Variants in FAM120C observed in about 807,000 individuals in gnomAD.
FAM120C encodes the protein family with sequence similarity 120 member C.
A neutral mutation model predicts 71.2 loss-of-function variants in FAM120C; 14 were observed. That is an observed-to-expected ratio of 0.20 (90% CI 0.13 to 0.31). The LOEUF (loss-of-function observed/expected upper bound fraction) is 0.31, where lower values mean the gene tolerates loss of function less well. Ranked by LOEUF, FAM120C falls within the 10% of genes least tolerant of loss-of-function variation. The pLI is 1.00. For missense variants in FAM120C, 500 were observed against 879.0 expected (o/e 0.57, Z 5.45); for synonymous variants, 354 against 353.2 (o/e 1.00, Z -0.03).
At chrX:54,124,971 A>C (rs1557127750) in intron 9 of FAM120C, among the ~76,000 whole-genome samples, 2 of 111,538 alleles carry the variant, frequency 1.8e-5, no homozygotes, top group Non-Finnish European at 3.8e-5. Flanking sequence ...TGTCCAGTTG[A>C]TCTAACACCA....
At chrX:54,100,097 G>A (rs782575325) in intron 10 of FAM120C, among the ~76,000 whole-genome samples, 1 of 111,969 alleles carries the variant, frequency 8.9e-6, no homozygotes, top group East Asian at 2.8e-4. Flanking sequence ...TGTAATCCCA[G>A]CATTTTGGGA....
At chrX:54,163,513 T>C (rs1328718978) in intron 1 of FAM120C, among the ~76,000 whole-genome samples, 2 of 111,479 alleles carry the variant, frequency 1.8e-5, no homozygotes, top group Non-Finnish European at 3.8e-5. Context: ...TGCCAGGGAT[T>C]GTGGGGATGG....
intron 9 of FAM120C, among the ~76,000 whole-genome samples, chrX:54,128,625 C>A (rs1044761228): frequency 9.0e-6 from 1 of 111,315 alleles, no homozygotes; most frequent in Non-Finnish European, 1.9e-5. Flanking sequence ...TGCGGCCTTC[C>A]GCAGTGTTTG....
chrX:54,079,812 A>G (rs1291114879), intron 15 of FAM120C, among the ~76,000 whole-genome samples: 1 of 110,627 alleles, frequency 9.0e-6, no homozygotes, highest in Non-Finnish European at 1.9e-5. Context: ...AAAAAAAAGC[A>G]GAATGGTAAC....
At chrX:54,148,543 A>T (rs1160368940) in intron 4 of FAM120C, among the ~76,000 whole-genome samples, 1 of 111,631 alleles carries the variant, frequency 9.0e-6, no homozygotes, top group African/African-American at 3.3e-5. Context: ...GCTACTTGGG[A>T]GGCTGTGGTG....
rs1159863882 is a variant in FAM120C, at chrX:54,071,350, C to T, written c.*1683G>A. Reference sequence around the variant, plus strand: ...AATAGAATTCTTCTCAAGGCCCAGGCCAGAGTCCTCTAAAGTCTTCCTTGC... The same window carrying T: ...AATAGAATTCTTCTCAAGGCCCAGGTCAGAGTCCTCTAAAGTCTTCCTTGC... On this transcript the variant is annotated 3_prime_UTR_variant, in exon 16 of 16. Coordinates refer to ENST00000375180, the MANE Select transcript of FAM120C (RefSeq NM_017848.6). 1 of 112,985 alleles carries T rather than the reference C, an allele frequency of 8.9e-6. No individual in the cohort carries two copies. Among genetic ancestry groups the T allele is most frequent in the South Asian group, 3.6e-4 (1 of 2,784 alleles). 9.3% of individuals were successfully genotyped at this position (112,985 alleles called of 1,213,427 possible).
At chrX:54,139,851 C>G (rs113976942) in intron 4 of FAM120C, among the ~76,000 whole-genome samples, 1,680 of 110,128 alleles carry the variant, frequency 0.015, 28 homozygotes, top group African/African-American at 0.054. Flanking sequence ...TGTTAACACT[C>G]CAGGATCTAT....
rs1056669341 is a variant in FAM120C at position 54,111,457 on chromosome X, A to G, written c.2312+5088T>C. 1.7e-4 allele frequency among the ~76,000 whole-genome samples: 19 copies of G among 110,855 alleles called. 1 individual carries two copies. The East Asian group carries it at 5.3e-3, about 31-fold the overall frequency. On this transcript the variant is annotated intron_variant, in intron 10 of 15. Transcript: ENST00000375180. ...AGTAAAGTGTCAGGATACAAAATCA[A>G]TGTATGAAAACCAGTAGCATTTCTA...
intron 4 of FAM120C, chrX:54,147,422 C>T (rs1169709413): frequency 8.9e-6 from 1 of 111,812 alleles, no homozygotes; most frequent in Non-Finnish European, 1.9e-5. Context: ...ACACATTGCG[C>T]TGCTGCTACA....
rs1466026880 is a variant in FAM120C, at chrX:54,068,346, A to G, written c.*4687T>C. 4.5e-5 allele frequency: 5 copies of G among 111,949 alleles called. No homozygotes were observed. The highest frequency in any genetic ancestry group is 9.4e-5 in the Non-Finnish European group (5 of 53,225). 9.2% of individuals were successfully genotyped at this position (111,949 alleles called of 1,213,427 possible). The stretch of plus-strand genomic sequence containing the variant: ...AAATTATTTCACAATTTTTTTTACT[A>G]AAAGAATAGATTTTTATTAAGCGTT... On this transcript the variant is annotated 3_prime_UTR_variant, in exon 16 of 16. Coordinates refer to ENST00000375180, the MANE Select transcript of FAM120C (RefSeq NM_017848.6).
chrX:54,103,398 A>G, intron 10 of FAM120C, among the ~76,000 whole-genome samples: 1 of 111,831 alleles, frequency 8.9e-6, no homozygotes, highest in Non-Finnish European at 1.9e-5. Context: ...AACAACAAAA[A>G]AAATCCCTTT....
intron 11 of FAM120C, 120 bp downstream of exon 11, chrX:54,091,192 T>A (rs1017709474): frequency 8.7e-6 from 4 of 458,925 alleles, no homozygotes; most frequent in Non-Finnish European, 1.5e-5. Context: ...TTGGTTAAAG[T>A]AAATCAAACA....
intron 1 of FAM120C, among the ~76,000 whole-genome samples, chrX:54,176,432 CA>C (rs1197918401): frequency 0.04 from 1,454 of 36,386 alleles, 27 homozygotes; most frequent in Admixed American, 0.15. Flanking sequence ...GACTCTGTCT[CA>C]AAAAAAAAAA....
chrX:54,071,037 CA>C lies in FAM120C; in HGVS notation c.*1995del, dbSNP rs1244631254. On this transcript the variant is annotated 3_prime_UTR_variant, in exon 16 of 16. Coordinates refer to ENST00000375180, the MANE Select transcript of FAM120C (RefSeq NM_017848.6). ...GTGGGTTAAGGTGCATGGGGTTTTT[CA>C]AAAAGAACCCTGCTAGAAGATTAGT... 1.8e-5 allele frequency: 2 copies of C among 111,646 alleles called. No individual in the cohort carries two copies. The highest frequency in any genetic ancestry group is 3.8e-5 in the Non-Finnish European group (2 of 53,137). The allele number at this position is 111,646 out of a possible 1,213,427, so 9.2% of individuals were successfully genotyped here.
intron 9 of FAM120C, among the ~76,000 whole-genome samples, chrX:54,130,095 C>T (rs1422928471): frequency 7.1e-5 from 1 of 14,102 alleles, no homozygotes; most frequent in Non-Finnish European, 1.2e-4. Context: ...AGAGGGAGAC[C>T]GTGGGGAGAG....
At chrX:54,175,348 A>G (rs2067311116) in intron 1 of FAM120C, among the ~76,000 whole-genome samples, 1 of 110,356 alleles carries the variant, frequency 9.1e-6, no homozygotes, top group Non-Finnish European at 1.9e-5. Flanking sequence ...AAAAATATTA[A>G]CTGAACTGAA....
intron 4 of FAM120C, among the ~76,000 whole-genome samples, chrX:54,146,006 A>T (rs782814636): frequency 2.9e-4 from 33 of 112,037 alleles, no homozygotes; most frequent in African/African-American, 1.0e-3. Context: ...CGTCCTTTGT[A>T]GGGACATGGA....
At chrX:54,125,469 A>C (rs1268819176) in intron 9 of FAM120C, among the ~76,000 whole-genome samples, 1 of 110,924 alleles carries the variant, frequency 9.0e-6, no homozygotes, top group Non-Finnish European at 1.9e-5. Context: ...CTGGCTATAT[A>C]TATTTTTTGT....
chrX:54,070,860 T>TC lies in FAM120C; in HGVS notation c.*2172dup, dbSNP rs2066706204. ...GGGGTCAAGGCATTGCAGGGCTCCC[T>TC]CCCCCTGAAAATCATGGATTCTCTT... On this transcript the variant is annotated 3_prime_UTR_variant, in exon 16 of 16. Coordinates refer to ENST00000375180, the MANE Select transcript of FAM120C (RefSeq NM_017848.6). 9.0e-6 allele frequency: 1 copy of TC among 111,430 alleles called. No individual in the cohort carries two copies. Among genetic ancestry groups the TC allele is most frequent in the Non-Finnish European group, 1.9e-5 (1 of 53,096 alleles). 9.2% of individuals were successfully genotyped at this position (111,430 alleles called of 1,213,427 possible).
Sources: allele counts gnomAD v4.1 joint callset (sites outside exome capture counted in the v4.1 genomes callset), GRCh38; gene constraint gnomAD v4.1.1; transcripts MANE v1.5; gene names NCBI Gene and HGNC (gene_info 2026-07-23, HGNC 2026-07-21).